The following DIS3L2 variants were observed in gnomAD, a reference collection of about 807,000 sequenced individuals.
DIS3L2 encodes DIS3 like 3'-5' exoribonuclease 2.
A neutral mutation model predicts 97.5 loss-of-function variants in DIS3L2; 34 were observed. That is an observed-to-expected ratio of 0.35 (90% CI 0.27 to 0.46). The LOEUF (loss-of-function observed/expected upper bound fraction) is 0.46. Among genes scored for constraint, DIS3L2 ranks in the 20% least tolerant of loss-of-function variants. The pLI, the probability that DIS3L2 is intolerant of heterozygous loss-of-function variation, is 1.00. For synonymous variants in DIS3L2, 435 were observed against 445.2 expected, an observed-to-expected ratio of 0.98 and a Z score of 0.29; for missense variants, 1,038 against 1,146.0, an observed-to-expected ratio of 0.91 and a Z score of 1.36.
intron 5 of DIS3L2, among the ~76,000 whole-genome samples, chr2:232,048,438 A>G (rs1475521017): frequency 6.6e-6 from 1 of 152,116 alleles, no homozygotes; most frequent in African/African-American, 2.4e-5. Flanking sequence ...GTGGGCACTT[A>G]ATAAGAGTTG....
intron 13 of DIS3L2, among the ~76,000 whole-genome samples, chr2:232,264,625 G>A (rs1693807871): frequency 6.6e-6 from 1 of 152,216 alleles, no homozygotes; most frequent in Non-Finnish European, 1.5e-5. Context: ...GAGGTGGGTA[G>A]GAGCGTGGAA....
At position 232,276,155 on chromosome 2, in the gene DIS3L2, A is replaced by G. The variant is rs2106295408; in HGVS notation, c.1659+12715A>G. 6.6e-6 allele frequency among the ~76,000 whole-genome samples: 1 copy of G among 152,368 alleles called. No individual in the cohort carries two copies. Among genetic ancestry groups the G allele is most frequent in the Non-Finnish European group, 1.5e-5 (1 of 68,040 alleles). On this transcript the variant is annotated intron_variant, in intron 13 of 20. Transcript: ENST00000325385. This position sits in a 1 kb window ranked among gnomAD's most constrained non-coding sequence, Gnocchi z 4.4. ...ATCTGCTTGTCAGCATGAGGCTGGT[A>G]GCCTCCTAAATAAGAAGATGTGCTA...
chr2:232,134,889 A>G (rs1391052021), intron 7 of DIS3L2, among the ~76,000 whole-genome samples: 1 of 152,046 alleles, frequency 6.6e-6, no homozygotes, highest in Non-Finnish European at 1.5e-5. Flanking sequence ...ACACACACAC[A>G]CGGTGGCTCT....
intron 8 of DIS3L2, among the ~76,000 whole-genome samples, chr2:232,149,259 C>A (rs34221691): frequency 0.12 from 17,971 of 145,646 alleles, 1,596 homozygotes; most frequent in South Asian, 0.36. Context: ...AGGTTAGTTA[C>A]ATATGTATAC....
chr2:232,033,124 A>C (rs1329035249), intron 5 of DIS3L2, among the ~76,000 whole-genome samples: 1 of 152,124 alleles, frequency 6.6e-6, no homozygotes, highest in Non-Finnish European at 1.5e-5. Flanking sequence ...ATGAGCATGG[A>C]ATATTTTTCC....
chr2:232,212,044 A>C (rs1347812694), intron 10 of DIS3L2, among the ~76,000 whole-genome samples: 1 of 152,194 alleles, frequency 6.6e-6, no homozygotes, highest in Non-Finnish European at 1.5e-5. Context: ...CAACTAAAGA[A>C]AACTGAAAGA....
intron 9 of DIS3L2, among the ~76,000 whole-genome samples, chr2:232,174,163 A>G (rs919097788): frequency 2.0e-5 from 3 of 152,174 alleles, no homozygotes; most frequent in Non-Finnish European, 4.4e-5. Flanking sequence ...TTAATCCTAC[A>G]TATTTATTCT....
At chr2:231,978,276 C>T (rs914754344) in intron 1 of DIS3L2, among the ~76,000 whole-genome samples, 1 of 152,166 alleles carries the variant, frequency 6.6e-6, no homozygotes, top group South Asian at 2.1e-4. Context: ...TGAAGATCTC[C>T]GTGCCTTTCT....
intron 14 of DIS3L2, among the ~76,000 whole-genome samples, chr2:232,308,861 C>A (rs1695050910): frequency 6.6e-6 from 1 of 152,156 alleles, no homozygotes; most frequent in African/African-American, 2.4e-5. Flanking sequence ...CCTAGAGAAC[C>A]AACCCTAAAA....
rs1443711763 is a variant in DIS3L2, at chr2:232,281,326, G to A, written c.1659+17886G>A. On this transcript the variant is annotated intron_variant, in intron 13 of 20. Coordinates refer to ENST00000325385, the MANE Select transcript of DIS3L2 (RefSeq NM_152383.5). The surrounding 1 kb of genome is among the most constrained non-coding windows in gnomAD (Gnocchi z 4.1). ...AGGCAGGAGAAGGGCGTGAACCCGGGAGGCGGAGCTTGCAGTGAGCCGAGA... is the reference window on the plus strand; with the variant it reads ...AGGCAGGAGAAGGGCGTGAACCCGGAAGGCGGAGCTTGCAGTGAGCCGAGA... Among the ~76,000 whole-genome samples the A allele has an allele frequency of 6.6e-6, 1 of 152,230 alleles. No individual in the cohort carries two copies. Among genetic ancestry groups the A allele is most frequent in the Non-Finnish European group, 1.5e-5 (1 of 68,036 alleles).
intron 1 of DIS3L2, among the ~76,000 whole-genome samples, chr2:231,971,552 A>C (rs62199537): frequency 0.19 from 29,272 of 151,998 alleles, 3,689 homozygotes; most frequent in South Asian, 0.44. Flanking sequence ...GGTTCACGCC[A>C]TTCTCCTGCC....
intron 1 of DIS3L2, among the ~76,000 whole-genome samples, chr2:232,010,979 C>T (rs746093070): frequency 6.6e-6 from 1 of 152,208 alleles, no homozygotes; most frequent in Non-Finnish European, 1.5e-5. Flanking sequence ...TACAGAGGTT[C>T]TCAAGACACC....
At chr2:232,343,196 C>A in intron 13 of DIS3L2, 1 of 698,150 alleles carries the variant, frequency 1.4e-6, no homozygotes, top group South Asian at 1.8e-5. Flanking sequence ...TATGAAGAGG[C>A]TATTTCCTGT....
intron 5 of DIS3L2, among the ~76,000 whole-genome samples, chr2:232,069,953 AG>A (rs1695963759): frequency 6.6e-6 from 1 of 152,242 alleles, no homozygotes; most frequent in Non-Finnish European, 1.5e-5. Flanking sequence ...AGCCAGTTCA[AG>A]TTGGTTTTTC....
chr2:232,329,709 C>A, intron 14 of DIS3L2, 104 bp from the exon 15 acceptor site: 1 of 1,209,022 alleles, frequency 8.3e-7, no homozygotes, highest in Non-Finnish European at 1.1e-6. Context: ...AAGCTGAGAC[C>A]TGAAGGGTGA....
intron 6 of DIS3L2, chr2:232,111,326 T>A: frequency 4.3e-6 from 2 of 465,744 alleles, no homozygotes; most frequent in Non-Finnish European, 8.9e-6. Flanking sequence ...ATCATATTTT[T>A]TTAAAGAGCA....
At chr2:232,329,785 T>TGCCGGGGGGGGCCACC in intron 14 of DIS3L2, 28 bp from the exon 15 acceptor site, 2 of 967,144 alleles carry the variant, frequency 2.1e-6, no homozygotes, top group East Asian at 3.1e-5. Flanking sequence ...ACCCCAGCGG[T>TGCCGGGGGGGGCCACC]CCCTCCCATC....
At position 232,329,983 on chromosome 2, in the gene DIS3L2, C is replaced by T; in HGVS notation, c.1910C>T (p.Ala637Val). ...GGGCTGCCCGTGGACTTCAGCTCCG[C>T]AGGAGCCCTCAATGTGAGTGGTGGG... ...QMGLPVDFSS[A>V]GALNKSLTQT... Residue 637 changes from alanine to valine, a missense_variant, in exon 15 of 21, where the codon GCA becomes GTA. Transcript: ENST00000325385. The T allele has an allele frequency of 1.2e-6, 2 of 1,610,418 alleles. No homozygotes were observed. Among genetic ancestry groups the T allele is most frequent in the Non-Finnish European group, 1.7e-6 (2 of 1,178,244 alleles).
At chr2:232,077,925 TTTTC>T (rs914286789) in intron 5 of DIS3L2, among the ~76,000 whole-genome samples, 6 of 151,852 alleles carry the variant, frequency 4.0e-5, no homozygotes, top group South Asian at 2.1e-4. Flanking sequence ...TTATAGAGTA[TTTTC>T]TTTCTTTCTT....
Sources: gnomAD v4.1 joint callset for allele counts (sites outside exome capture counted in the v4.1 genomes callset) on GRCh38, gnomAD v4.1.1 for gene constraint, Gnocchi (gnomAD v3.1) non-coding constraint, MANE v1.5 for transcripts, NCBI Gene and HGNC (gene_info 2026-07-23, HGNC 2026-07-21) for gene names.